TRDN: variants seen among roughly 807,000 people sequenced by gnomAD.
TRDN encodes the protein triadin.
Under a neutral mutation model 149.7 loss-of-function variants are expected in TRDN, and 161 were observed. The ratio of observed to expected loss-of-function variants is 1.08; its 90% CI spans 0.95 to 1.23. The LOEUF (loss-of-function observed/expected upper bound fraction) is 1.23. TRDN is among the 50% of genes most tolerant of loss of function. TRDN has a pLI of 0.00. For synonymous variants in TRDN, 294 were observed against 250.5 expected (o/e 1.17, Z -1.64); for missense variants, 896 against 823.5 (o/e 1.09, Z -1.08).
At chr6:123,313,315 C>A (rs1417949500) in intron 24 of TRDN, among the ~76,000 whole-genome samples, 1 of 151,964 alleles carries the variant, frequency 6.6e-6, no homozygotes, top group East Asian at 1.9e-4. Flanking sequence ...CTGCTCAGTT[C>A]TGATCACTTG....
intron 1 of TRDN, among the ~76,000 whole-genome samples, chr6:123,571,391 G>A (rs564218795): frequency 2.6e-5 from 4 of 152,234 alleles, no homozygotes; most frequent in African/African-American, 9.6e-5. Flanking sequence ...ATCAACACAA[G>A]TGATAAAATG....
At chr6:123,234,397 A>T (rs1415016593) in intron 38 of TRDN, among the ~76,000 whole-genome samples, 1 of 152,140 alleles carries the variant, frequency 6.6e-6, no homozygotes, top group Non-Finnish European at 1.5e-5. Flanking sequence ...GCCAGAAATA[A>T]GCTTTCATCC....
At position 123,352,645 on chromosome 6, in the gene TRDN, A is replaced by C. The variant is rs867972419; in HGVS notation, c.1322-59T>G. On this transcript the variant is annotated intron_variant, in intron 20 of 40. Transcript: ENST00000334268. ...CCAGACAGAAATACTGCTTCTGCTC[A>C]AAAAAAGCATTTTGGAGTTCTTTCA... 1.8e-5 allele frequency: 28 copies of C among 1,548,122 alleles called. 1 individual carries two copies. The highest frequency in any genetic ancestry group is 3.5e-4 in the Middle Eastern group (2 of 5,758).
Position 123,218,539 on chromosome 6 carries a change from C to T in TRDN, c.*62G>A, listed in dbSNP as rs361508. 1,234,006 of 1,548,600 alleles carry T rather than the reference C, an allele frequency of 0.8. 496,581 individuals are homozygous for T. Among genetic ancestry groups the T allele is most frequent in the African/African-American group, 0.96 (69,424 of 72,582 alleles). On this transcript the variant is annotated 3_prime_UTR_variant, in exon 41 of 41. Coordinates refer to ENST00000334268, the MANE Select transcript of TRDN (RefSeq NM_006073.4). Reference sequence around the variant, plus strand: ...TGCATATTCTTAATTGCCTGAACTACTGTGGACAAAACATCACATTTTTAA... The same window carrying T: ...TGCATATTCTTAATTGCCTGAACTATTGTGGACAAAACATCACATTTTTAA...
At chr6:123,319,716 C>A (rs183356602) in intron 23 of TRDN, among the ~76,000 whole-genome samples, 1 of 152,172 alleles carries the variant, frequency 6.6e-6, no homozygotes, top group East Asian at 1.9e-4. Flanking sequence ...TGAAGCCCTT[C>A]GTTTTGGGCT....
chr6:123,518,800 T>C (rs915450934), intron 5 of TRDN, among the ~76,000 whole-genome samples: 13 of 152,154 alleles, frequency 8.5e-5, no homozygotes, highest in African/African-American at 2.7e-4. Flanking sequence ...AGCTGGACCC[T>C]TGGGCCCTAG....
chr6:123,222,318 T>C (rs532839914), intron 39 of TRDN, among the ~76,000 whole-genome samples: 3 of 151,790 alleles, frequency 2.0e-5, no homozygotes, highest in African/African-American at 7.2e-5. Context: ...GTAATCTATA[T>C]ACCACTAGTT....
intron 33 of TRDN, among the ~76,000 whole-genome samples, chr6:123,262,946 G>C (rs1776822603): frequency 9.3e-6 from 1 of 107,556 alleles, no homozygotes; most frequent in Non-Finnish European, 2.1e-5. Context: ...TTTGAAATTA[G>C]ACCAGTTAGT....
At chr6:123,601,460 T>C (rs942899733) in intron 1 of TRDN, among the ~76,000 whole-genome samples, 4 of 152,130 alleles carry the variant, frequency 2.6e-5, no homozygotes, top group Non-Finnish European at 4.4e-5. Flanking sequence ...GCAGGTTTCA[T>C]CATAACAGGG....
intron 12 of TRDN, among the ~76,000 whole-genome samples, chr6:123,432,985 T>C (rs1774393550): frequency 6.6e-6 from 1 of 151,694 alleles, no homozygotes; most frequent in Non-Finnish European, 1.5e-5. Flanking sequence ...GTCTCATCTA[T>C]TCCAAGAGCA....
chr6:123,458,695 T>A (rs2114684739), intron 10 of TRDN, among the ~76,000 whole-genome samples: 1 of 152,324 alleles, frequency 6.6e-6, no homozygotes, highest in East Asian at 1.9e-4. Flanking sequence ...CAATGTGTTC[T>A]ACATTTCCTT....
chr6:123,331,612 T>C (rs1044706409), intron 23 of TRDN, among the ~76,000 whole-genome samples: 1 of 152,078 alleles, frequency 6.6e-6, no homozygotes, highest in Non-Finnish European at 1.5e-5. Context: ...GATTCCTCCA[T>C]TTCACTACAG....
At chr6:123,480,135 A>AT (rs1319675162) in intron 9 of TRDN, among the ~76,000 whole-genome samples, 6 of 151,510 alleles carry the variant, frequency 4.0e-5, no homozygotes, top group Non-Finnish European at 8.8e-5. Flanking sequence ...TTAGAAATCC[A>AT]TTTTTCTTTA....
chr6:123,224,788 T>C (rs1021454483), intron 38 of TRDN, among the ~76,000 whole-genome samples: 1 of 151,724 alleles, frequency 6.6e-6, no homozygotes. Context: ...AATGTAAAAC[T>C]GAAACACTTT....
intron 1 of TRDN, among the ~76,000 whole-genome samples, chr6:123,634,320 A>G (rs932531947): frequency 6.6e-6 from 1 of 151,960 alleles, no homozygotes; most frequent in East Asian, 1.9e-4. Context: ...GCACACCTGT[A>G]GTCCTAACTA....
chr6:123,558,422 C>A (rs751811626), intron 2 of TRDN, among the ~76,000 whole-genome samples: 3 of 152,134 alleles, frequency 2.0e-5, no homozygotes, highest in Non-Finnish European at 4.4e-5. Flanking sequence ...AGCCCTCCCC[C>A]ACCTGCCCAG....
intron 21 of TRDN, among the ~76,000 whole-genome samples, chr6:123,342,049 T>C (rs1780082385): frequency 6.6e-6 from 1 of 152,008 alleles, no homozygotes; most frequent in African/African-American, 2.4e-5. Flanking sequence ...TACTAGGTTT[T>C]GAGGCTGTGT....
intron 24 of TRDN, 123 bp downstream of exon 24, chr6:123,316,333 TA>T (rs1779019949): frequency 3.4e-6 from 3 of 888,130 alleles, no homozygotes; most frequent in Non-Finnish European, 5.4e-6. Flanking sequence ...ATAGCATCAG[TA>T]TTTTTTTAAT....
At chr6:123,454,011 T>C (rs1034256008) in intron 10 of TRDN, among the ~76,000 whole-genome samples, 4 of 152,100 alleles carry the variant, frequency 2.6e-5, no homozygotes, top group Non-Finnish European at 5.9e-5. Flanking sequence ...ACTATTATTC[T>C]AAGTGAAGTA....
Sources: gnomAD v4.1 joint callset for allele counts (sites outside exome capture counted in the v4.1 genomes callset) on GRCh38, gnomAD v4.1.1 for gene constraint, MANE v1.5 for transcripts, NCBI Gene and HGNC (gene_info 2026-07-23, HGNC 2026-07-21) for gene names.